The following PXDN variants were observed in gnomAD, a reference collection of about 807,000 sequenced individuals.
PXDN encodes peroxidasin.
A neutral mutation model predicts 140.3 loss-of-function variants in PXDN; 77 were observed. The observed-to-expected ratio is 0.55, with a 90% CI of 0.46 to 0.66. PXDN has a LOEUF of 0.66. PXDN is among the 30% of genes least tolerant of loss of function. PXDN has a pLI of 0.00. For synonymous variants in PXDN, 911 were observed against 857.4 expected (o/e 1.06, Z -1.09); for missense variants, 1,838 against 2,039.5 (o/e 0.90, Z 1.90).
rs116425740 is a variant in PXDN, at chr2:1,685,373, G to C, written c.417-1222C>G. 6.6e-6 allele frequency among the ~76,000 whole-genome samples: 1 copy of C among 152,220 alleles called. No individual in the cohort carries two copies. The highest frequency in any genetic ancestry group is 2.4e-5 in the African/African-American group (1 of 41,458). ...GGCGGGCACCTGACGCGCGGGTCCC[G>C]AGGAAGGCCGAACCCGACAGAATCC... On this transcript the variant is annotated intron_variant, in intron 4 of 22. Transcript: ENST00000252804. This position sits in a 1 kb window ranked among gnomAD's most constrained non-coding sequence, Gnocchi z 5.1.
At chr2:1,743,458 G>A (rs893710621) in intron 1 of PXDN, among the ~76,000 whole-genome samples, 5 of 152,116 alleles carry the variant, frequency 3.3e-5, no homozygotes, top group East Asian at 2.0e-4. Context: ...TGAGAAGCGC[G>A]GGGCCCCCAG....
At chr2:1,688,385 G>A (rs1018457774) in intron 3 of PXDN, among the ~76,000 whole-genome samples, 1 of 152,244 alleles carries the variant, frequency 6.6e-6, no homozygotes, top group Admixed American at 6.5e-5. Context: ...CTGTGTGGCC[G>A]AGCTGAGTGG....
At position 1,687,527 on chromosome 2, in the gene PXDN, T is replaced by C. The variant is rs1281973194; in HGVS notation, c.416+105A>G. 2 of 791,804 alleles carry C rather than the reference T, an allele frequency of 2.5e-6. No individual in the cohort carries two copies. The highest frequency in any genetic ancestry group is 2.9e-5 in the East Asian group (1 of 34,042). The allele number at this position is 791,804 out of a possible 1,614,324, so 49.0% of individuals were successfully genotyped here. Reference sequence around the variant, plus strand: ...CGTACTCCCCGCACCTCAGGTAGCATAGTCATGCATCATGCAAACAGCTAG... The same window carrying C: ...CGTACTCCCCGCACCTCAGGTAGCACAGTCATGCATCATGCAAACAGCTAG... On this transcript the variant is annotated intron_variant, in intron 4 of 22. Transcript: ENST00000252804. This position sits in a 1 kb window ranked among gnomAD's most constrained non-coding sequence, Gnocchi z 4.0.
At position 1,648,771 on chromosome 2, in the gene PXDN, G is replaced by T; in HGVS notation, c.3009C>A (p.Leu1003=). ...CGCCGTCCCAGTGCGGGTTCAGCTT[G>T]AGCAGCTCCGTGGCAATGCGGTTGT... ...REHNRIATEL[L]KLNPHWDGDT... The change falls in exon 17 of 23, where the codon CTC becomes CTA. Residue 1003 remains leucine, a synonymous_variant. Coordinates refer to ENST00000252804, the MANE Select transcript of PXDN (RefSeq NM_012293.3). The surrounding 1 kb of genome is among the most constrained non-coding windows in gnomAD (Gnocchi z 8.9). 1 of 1,604,206 alleles carries T rather than the reference G, an allele frequency of 6.2e-7. No individual in the cohort carries two copies. The highest frequency in any genetic ancestry group is 8.5e-7 in the Non-Finnish European group (1 of 1,176,096).
chr2:1,655,468 T>C (rs916390024), intron 14 of PXDN, among the ~76,000 whole-genome samples: 3 of 150,006 alleles, frequency 2.0e-5, no homozygotes, highest in Admixed American at 6.6e-5. Flanking sequence ...ACAAATCACA[T>C]TGCACAAACA....
intron 1 of PXDN, among the ~76,000 whole-genome samples, chr2:1,724,962 T>C (rs761811868): frequency 2.0e-5 from 3 of 152,202 alleles, no homozygotes; most frequent in Non-Finnish European, 2.9e-5. Flanking sequence ...GTTGTGTAGA[T>C]AGTTAAACAA....
intron 1 of PXDN, among the ~76,000 whole-genome samples, chr2:1,703,226 GGGC>G: frequency 3.4e-5 from 1 of 29,170 alleles, no homozygotes; most frequent in Non-Finnish European, 6.0e-5. Context: ...GTGAAGGGGG[GGGC>G]AACTCCTGGT....
chr2:1,729,755 A>G (rs927011931), intron 1 of PXDN, among the ~76,000 whole-genome samples: 1 of 152,236 alleles, frequency 6.6e-6, no homozygotes, highest in African/African-American at 2.4e-5. Flanking sequence ...CGTAAAAACA[A>G]TCTAGACAGA....
chr2:1,732,733 T>C (rs1045613777), intron 1 of PXDN, among the ~76,000 whole-genome samples: 9 of 152,172 alleles, frequency 5.9e-5, no homozygotes, highest in African/African-American at 1.9e-4. Context: ...TTGTCTGGAA[T>C]CTGCTTAAAA....
chr2:1,664,803 C>A (rs1302713925), intron 11 of PXDN, 155 bp downstream of exon 11: 2 of 645,708 alleles, frequency 3.1e-6, no homozygotes, highest in East Asian at 5.5e-5. Context: ...GATGTGCAGA[C>A]ACCTCTGCGC....
chr2:1,650,688 C>T (rs1682995498), intron 16 of PXDN, among the ~76,000 whole-genome samples: 1 of 152,168 alleles, frequency 6.6e-6, no homozygotes, highest in South Asian at 2.1e-4. Context: ...AAAAGCTACA[C>T]ACACGCACAC....
intron 1 of PXDN, among the ~76,000 whole-genome samples, chr2:1,735,039 C>T (rs1685399107): frequency 6.6e-6 from 1 of 152,180 alleles, no homozygotes; most frequent in Non-Finnish European, 1.5e-5. Context: ...CTCAAGAAGC[C>T]ACTTTTTATG....
At chr2:1,654,112 G>T in intron 15 of PXDN, 1 of 477,364 alleles carries the variant, frequency 2.1e-6, no homozygotes, top group Non-Finnish European at 3.7e-6. Flanking sequence ...ATTTGTTTTT[G>T]CCAAATCATT....
intron 1 of PXDN, among the ~76,000 whole-genome samples, chr2:1,707,297 C>T (rs868620325): frequency 7.7e-4 from 7 of 9,126 alleles, no homozygotes; most frequent in African/African-American, 4.3e-3. Context: ...TCTGAGAGCA[C>T]GCTTCAGTGT....
In PXDN at chr2:1,703,272, G is replaced by A. The variant is rs184010856; in HGVS notation, c.201-10138C>T. 7.9e-3 allele frequency among the ~76,000 whole-genome samples: 16 copies of A among 2,018 alleles called. 3 individuals carry two copies. Among genetic ancestry groups the A allele is most frequent in the Non-Finnish European group, 0.025 (16 of 650 alleles). The allele number at this position is 2,018 out of a possible 152,430, so 1.3% of individuals were successfully genotyped here. ...GGGCAACTCCAGGTGAAGGTAGGGGGCAACTCCAGGTGAAGGTAGGGGACA... is the reference window on the plus strand; with the variant it reads ...GGGCAACTCCAGGTGAAGGTAGGGGACAACTCCAGGTGAAGGTAGGGGACA... On this transcript the variant is annotated intron_variant, in intron 1 of 22. Coordinates refer to ENST00000252804, the MANE Select transcript of PXDN (RefSeq NM_012293.3).
chr2:1,682,882 G>A (rs1683948274), intron 6 of PXDN, among the ~76,000 whole-genome samples: 1 of 152,066 alleles, frequency 6.6e-6, no homozygotes, highest in African/African-American at 2.4e-5. Flanking sequence ...AGAGGTTGCA[G>A]TGAGCTGAAA....
At position 1,654,502 on chromosome 2, in the gene PXDN, T is replaced by C. The variant is rs541795687; in HGVS notation, c.1844A>G (p.Asp615Gly). 1 of 1,611,146 alleles carries C rather than the reference T, an allele frequency of 6.2e-7. No individual in the cohort carries two copies. Among genetic ancestry groups the C allele is most frequent in the East Asian group, 2.2e-5 (1 of 44,826 alleles). The change falls in exon 15 of 23, where the codon GAC (aspartate) becomes GGC (glycine). Residue 615 changes from aspartate (D) to glycine (G), a missense_variant. Physicochemically the swap from Asp to Gly is moderately conservative, Grantham distance 94. Transcript: ENST00000252804. ...AAACGGATCTCCATTTCGACTGACG[T>C]CAGGAACTAGGAAAATACAAAGTCG... ...VSMVLSVNVP[D>G]VSRNGDPFVA...
intron 4 of PXDN, among the ~76,000 whole-genome samples, chr2:1,686,080 T>G (rs1226363696): frequency 1.3e-5 from 2 of 151,746 alleles, no homozygotes; most frequent in African/African-American, 4.8e-5. Context: ...CTCTGGGCTG[T>G]AGAGCCGATC....
At position 1,684,139 on chromosome 2, in the gene PXDN, A is replaced by G. The variant is rs1024138325; in HGVS notation, c.429T>C (p.Phe143=). The part of the protein sequence containing the change: ...LASLEQLYLH[F]NQIETLDPDS... ...CTGGGTCCAAAGTTTCTATCTGATT[A>G]AAGTGCAGGTATCTAGAGGAGTTAA... The change falls in exon 5 of 23, where the codon TTT becomes TTC. Residue 143 remains phenylalanine (F), a synonymous_variant. Coordinates refer to ENST00000252804, the MANE Select transcript of PXDN (RefSeq NM_012293.3). 3.2e-6 allele frequency: 5 copies of G among 1,582,658 alleles called. No homozygotes were observed. The African/African-American group carries it at 6.7e-5, about 21-fold the overall frequency.
Sources: allele counts gnomAD v4.1 joint callset (sites outside exome capture counted in the v4.1 genomes callset), GRCh38; gene constraint gnomAD v4.1.1; non-coding constraint Gnocchi (gnomAD v3.1); transcripts MANE v1.5; gene names NCBI Gene and HGNC (gene_info 2026-07-23, HGNC 2026-07-21).